The following N4BP2 variants were observed in gnomAD, a reference collection of about 807,000 sequenced individuals.
The protein encoded by N4BP2 is NEDD4-binding protein 2.
Under a neutral mutation model 152.8 loss-of-function variants are expected in N4BP2, and 91 were observed. The ratio of observed to expected loss-of-function variants is 0.60; its 90% confidence interval spans 0.50 to 0.71. The LOEUF is 0.71. N4BP2 is among the 30% of genes least tolerant of loss of function. The pLI is 0.00. For missense variants in N4BP2, 1,923 were observed against 2,059.1 expected, an observed-to-expected ratio of 0.93 and a Z score of 1.28; for synonymous variants, 646 against 705.3, an observed-to-expected ratio of 0.92 and a Z score of 1.33.
chr4:40,171,969 C>G, the N4BP2 span, among the ~76,000 whole-genome samples: 1 of 152,114 alleles, frequency 6.6e-6, no homozygotes, highest in Non-Finnish European at 1.5e-5. Context: ...GCAGTAGGCG[C>G]GATCTCAGCT....
chr4:40,073,013 A>T (rs1712364392), intron 1 of N4BP2, among the ~76,000 whole-genome samples: 1 of 152,046 alleles, frequency 6.6e-6, no homozygotes, highest in Non-Finnish European at 1.5e-5. Context: ...GAGCCACCGC[A>T]CCTGGCCAGG....
intron 2 of N4BP2, among the ~76,000 whole-genome samples, chr4:40,087,109 T>G (rs1714047113): frequency 6.6e-6 from 1 of 152,142 alleles, no homozygotes; most frequent in African/African-American, 2.4e-5. Flanking sequence ...AAGTAAATTG[T>G]GTTTTGTGGC....
chr4:40,123,994 T>C (rs962696776), intron 10 of N4BP2, among the ~76,000 whole-genome samples, 166 bp from the exon 11 acceptor site: 1 of 152,192 alleles, frequency 6.6e-6, no homozygotes, highest in African/African-American at 2.4e-5. Context: ...GTAGTCATAC[T>C]TCATAATTTT....
chr4:40,161,147 A>G (rs75497114), downstream of N4BP2, among the ~76,000 whole-genome samples: 8,041 of 152,292 alleles, frequency 0.053, 635 homozygotes, highest in East Asian at 0.4. Context: ...AAAAATGAGA[A>G]GTCGAGAATT....
intron 1 of N4BP2, among the ~76,000 whole-genome samples, chr4:40,060,896 C>A (rs570827033): frequency 3.9e-5 from 6 of 152,166 alleles, no homozygotes; most frequent in Non-Finnish European, 7.3e-5. Flanking sequence ...CGAGCCATCA[C>A]GCCTGGCCTG....
downstream of N4BP2, among the ~76,000 whole-genome samples, chr4:40,162,223 T>C (rs1480967310): frequency 1.3e-5 from 2 of 152,258 alleles, no homozygotes; most frequent in African/African-American, 4.8e-5. Context: ...GAGCTGGGGC[T>C]GGGTGTGGTG....
intron 16 of N4BP2, 66 bp from the exon 17 acceptor site, chr4:40,152,714 G>A: frequency 6.3e-7 from 1 of 1,576,666 alleles, no homozygotes; most frequent in Non-Finnish European, 8.7e-7. Context: ...AGTAGCTAAG[G>A]TTTACGTTTT....
chr4:40,078,034 T>A (rs1285541515), intron 2 of N4BP2: 1 of 152,008 alleles, frequency 6.6e-6, no homozygotes, highest in African/African-American at 2.4e-5. Context: ...AAGGTTCTTT[T>A]TAGAGAAAAT....
chr4:40,089,200 C>A (rs1286692550), intron 2 of N4BP2, among the ~76,000 whole-genome samples: 1 of 151,398 alleles, frequency 6.6e-6, no homozygotes, highest in African/African-American at 2.4e-5. Context: ...GGGATTCCCC[C>A]CCTCTTCAGC....
chr4:40,073,896 G>A (rs1712462241), intron 2 of N4BP2, among the ~76,000 whole-genome samples: 1 of 152,048 alleles, frequency 6.6e-6, no homozygotes. Flanking sequence ...AGGTTTAAGC[G>A]ATTCTCCTGC....
intron 13 of N4BP2, among the ~76,000 whole-genome samples, chr4:40,133,880 A>G (rs1719121262): frequency 6.6e-6 from 1 of 152,066 alleles, no homozygotes; most frequent in Non-Finnish European, 1.5e-5. Context: ...ATCTTGGCTC[A>G]TTGCAGCCTT....
chr4:40,126,180 A>G lies in N4BP2; in HGVS notation c.4377A>G (p.Lys1459=), dbSNP rs780626048. The change falls in exon 12 of 18, where the codon AAA becomes AAG. Residue 1459 remains lysine (K), a synonymous_variant. Transcript: ENST00000261435. ...GHTGLDNPEQ[K]SSQRTGKKLL... Reference sequence around the variant, plus strand: ...CTGGGCTTGATAATCCTGAACAAAAATCATCTCAGAGAACAGGCAAAAAAT... The same window carrying G: ...CTGGGCTTGATAATCCTGAACAAAAGTCATCTCAGAGAACAGGCAAAAAAT... 46 of 1,607,036 alleles carry G rather than the reference A, an allele frequency of 2.9e-5. No individual in the cohort carries two copies. Among genetic ancestry groups the G allele is most frequent in the Non-Finnish European group, 3.7e-5 (44 of 1,177,894 alleles).
intron 8 of N4BP2, among the ~76,000 whole-genome samples, chr4:40,119,396 T>C (rs1295178474): frequency 2.0e-5 from 3 of 152,244 alleles, no homozygotes; most frequent in African/African-American, 7.2e-5. Context: ...GCTCTGAGTC[T>C]GAAATTAACA....
At chr4:40,061,571 G>A (rs1160941583) in intron 1 of N4BP2, among the ~76,000 whole-genome samples, 3 of 151,446 alleles carry the variant, frequency 2.0e-5, no homozygotes, top group African/African-American at 4.9e-5. Flanking sequence ...CACCATGTTG[G>A]CCAGGCTGGT....
At chr4:40,136,392 A>G (rs200799800) in intron 13 of N4BP2, among the ~76,000 whole-genome samples, 3 of 128,698 alleles carry the variant, frequency 2.3e-5, no homozygotes, top group African/African-American at 2.9e-5. Context: ...CTATCTATCT[A>G]TCTTTTTTTT....
At chr4:40,151,669 G>A (rs1394612243) in intron 16 of N4BP2, among the ~76,000 whole-genome samples, 2 of 152,140 alleles carry the variant, frequency 1.3e-5, no homozygotes, top group African/African-American at 4.8e-5. Flanking sequence ...TCGTAAAAAG[G>A]TTTTACACTA....
downstream of N4BP2, chr4:40,158,313 A>G (rs1375888091): frequency 6.6e-6 from 1 of 152,204 alleles, no homozygotes; most frequent in African/African-American, 2.4e-5. Flanking sequence ...ATATTTTAAA[A>G]TATTTTCATG....
At chr4:40,096,332 G>T (rs1428515361) in intron 2 of N4BP2, among the ~76,000 whole-genome samples, 1 of 152,182 alleles carries the variant, frequency 6.6e-6, no homozygotes, top group Non-Finnish European at 1.5e-5. Context: ...TGATAAGAAG[G>T]TGATAAGGAG....
intron 2 of N4BP2, among the ~76,000 whole-genome samples, chr4:40,085,037 C>A (rs563591091): frequency 6.6e-6 from 1 of 151,402 alleles, no homozygotes; most frequent in East Asian, 1.9e-4. Context: ...CTCAGCCTCC[C>A]GAGTAGCTGG....
Sources: gnomAD v4.1 joint callset for allele counts (sites outside exome capture counted in the v4.1 genomes callset) on GRCh38, gnomAD v4.1.1 for gene constraint, MANE v1.5 for transcripts, NCBI Gene and HGNC (gene_info 2026-07-23, HGNC 2026-07-21) for gene names.